PPP1R1C: variants seen among roughly 807,000 people sequenced by gnomAD.
PPP1R1C encodes protein phosphatase 1 regulatory subunit 1C.
PPP1R1C carries 15 observed loss-of-function variants against 17.4 expected under a neutral mutation model. The ratio of observed to expected loss-of-function variants is 0.86; its 90% CI spans 0.58 to 1.33. The LOEUF is 1.33. PPP1R1C is among the 40% of genes most tolerant of loss of function. PPP1R1C has a pLI of 0.00. For missense variants in PPP1R1C, 143 were observed against 130.0 expected, an observed-to-expected ratio of 1.10 and a Z score of -0.48; for synonymous variants, 35 against 43.1, an observed-to-expected ratio of 0.81 and a Z score of 0.73.
At chr2:182,107,424 C>T (rs972184810) in intron 4 of PPP1R1C, among the ~76,000 whole-genome samples, 7 of 152,096 alleles carry the variant, frequency 4.6e-5, no homozygotes, top group Admixed American at 6.5e-5. Flanking sequence ...TCATTCCTGC[C>T]TTATTTTCCT....
intron 2 of PPP1R1C, among the ~76,000 whole-genome samples, chr2:182,048,507 T>C (rs16822409): frequency 0.16 from 23,977 of 152,274 alleles, 2,402 homozygotes; most frequent in South Asian, 0.28. Flanking sequence ...AAATACATGA[T>C]AGATTTCTCT....
chr2:181,982,447 T>C (rs1167397235), upstream of PPP1R1C, among the ~76,000 whole-genome samples: 1 of 152,200 alleles, frequency 6.6e-6, no homozygotes. Flanking sequence ...GACGAGCATC[T>C]TGCTTGTTAT....
In PPP1R1C at chr2:182,096,981, G is replaced by A. The variant is rs191677677; in HGVS notation, c.242-20226G>A. Among the ~76,000 whole-genome samples the A allele has an allele frequency of 2.7e-3, 406 of 152,246 alleles. 3 individuals are homozygous for A. The highest frequency in any genetic ancestry group is 9.4e-3 in the African/African-American group (391 of 41,550). On this transcript the variant is annotated intron_variant, in intron 4 of 4. Coordinates refer to ENST00000682840, the MANE Select transcript of PPP1R1C (RefSeq NM_001080545.3). ...AATCAGGTGACAAAGACTGCACACA[G>A]AACAGACTGGAATCCTAAAACTGGG... is the stretch of plus-strand genomic sequence containing the variant.
chr2:182,088,220 T>A (rs145569736), intron 4 of PPP1R1C, among the ~76,000 whole-genome samples: 157 of 151,372 alleles, frequency 1.0e-3, no homozygotes, highest in Non-Finnish European at 1.9e-3. Context: ...GCCTTGAATG[T>A]TTCCCTCTGT....
At chr2:182,023,566 T>C (rs1188640333) in intron 2 of PPP1R1C, among the ~76,000 whole-genome samples, 1 of 152,134 alleles carries the variant, frequency 6.6e-6, no homozygotes, top group Non-Finnish European at 1.5e-5. Flanking sequence ...TGAAAGGACA[T>C]TGATGATCCA....
At chr2:182,107,564 T>C (rs1689290797) in intron 4 of PPP1R1C, among the ~76,000 whole-genome samples, 1 of 152,194 alleles carries the variant, frequency 6.6e-6, no homozygotes, top group South Asian at 2.1e-4. Flanking sequence ...GGCCTACTCC[T>C]CACCTTCTCT....
At chr2:181,970,122 T>C (rs181617485) in intron 1 of PPP1R1C, among the ~76,000 whole-genome samples, 96 of 151,942 alleles carry the variant, frequency 6.3e-4, no homozygotes, top group African/African-American at 2.1e-3. Flanking sequence ...CATGGTGTCT[T>C]GTGCCTTATT....
chr2:181,986,316 C>T (rs1685296965), intron 1 of PPP1R1C, 125 bp downstream of exon 1: 1 of 752,044 alleles, frequency 1.3e-6, no homozygotes, highest in South Asian at 1.7e-5. Context: ...ATAATGTAAA[C>T]AAGAAATAAG....
chr2:181,999,028 T>C (rs1428540315), intron 2 of PPP1R1C, among the ~76,000 whole-genome samples: 2 of 152,162 alleles, frequency 1.3e-5, no homozygotes, highest in African/African-American at 4.8e-5. Flanking sequence ...TAAAGGACAA[T>C]TTTTTACTTA....
chr2:182,051,526 A>C (rs950304365), intron 2 of PPP1R1C, among the ~76,000 whole-genome samples: 91 of 152,320 alleles, frequency 6.0e-4, no homozygotes, highest in African/African-American at 2.0e-3. Context: ...TTTAAAAAAA[A>C]CGGTCACGAA....
At chr2:182,043,507 C>A (rs1416081548) in intron 2 of PPP1R1C, among the ~76,000 whole-genome samples, 1 of 150,738 alleles carries the variant, frequency 6.6e-6, no homozygotes, top group Non-Finnish European at 1.5e-5. Context: ...TATTTTTTTC[C>A]ACATATATGC....
chr2:182,095,923 C>G (rs1688918101), intron 4 of PPP1R1C, among the ~76,000 whole-genome samples: 1 of 150,834 alleles, frequency 6.6e-6, no homozygotes, highest in Non-Finnish European at 1.5e-5. Flanking sequence ...TACAGTGAGC[C>G]AAGATCGCGC....
chr2:182,078,835 A>G (rs2125211279), intron 4 of PPP1R1C, among the ~76,000 whole-genome samples: 1 of 152,350 alleles, frequency 6.6e-6, no homozygotes, highest in East Asian at 1.9e-4. Flanking sequence ...TTTTAATTGT[A>G]GTAAACACTA....
At chr2:182,123,314 C>T (rs556834349) in intron 5 of PPP1R1C, among the ~76,000 whole-genome samples, 27 of 152,218 alleles carry the variant, frequency 1.8e-4, no homozygotes, top group Middle Eastern at 3.4e-3. Flanking sequence ...AATAAACATA[C>T]GTGTGCGTGT....
intron 2 of PPP1R1C, among the ~76,000 whole-genome samples, chr2:182,035,161 C>T (rs986639086): frequency 1.3e-5 from 2 of 152,156 alleles, no homozygotes; most frequent in African/African-American, 4.8e-5. Flanking sequence ...CTCTTCATCG[C>T]CACATCACCT....
chr2:182,002,527 TA>T (rs1293283783), intron 2 of PPP1R1C, among the ~76,000 whole-genome samples: 3 of 152,072 alleles, frequency 2.0e-5, no homozygotes, highest in Admixed American at 1.3e-4. Context: ...TTTTTATTAA[TA>T]AAAATTATTA....
At chr2:181,971,238 T>C (rs945043353) in intron 1 of PPP1R1C, among the ~76,000 whole-genome samples, 6 of 152,174 alleles carry the variant, frequency 3.9e-5, no homozygotes, top group African/African-American at 7.2e-5. Context: ...GAGTACTGCC[T>C]ATCACTGCTG....
In PPP1R1C at chr2:181,976,761, A is replaced by ACTCTTG. The variant is rs1685098109; in HGVS notation, n.157+1508_157+1513dup. Among the ~76,000 whole-genome samples, 1 of 151,572 alleles carries ACTCTTG rather than the reference A, an allele frequency of 6.6e-6. No homozygotes were observed. The highest frequency in any genetic ancestry group is 2.4e-5 in the African/African-American group (1 of 41,214). On this transcript the variant is annotated intron_variant and non_coding_transcript_variant, in intron 2 of 5. Transcript: ENST00000464264. The surrounding 1 kb of genome is among the most constrained non-coding windows in gnomAD (Gnocchi z 4.8). ...AAATAAATCTAAAAAGCTCCACTCC[A>ACTCTTG]CTCTTGCTCTTGCTCTCTACTGTAA...
intron 4 of PPP1R1C, among the ~76,000 whole-genome samples, chr2:182,098,305 C>T (rs970217742): frequency 2.0e-5 from 3 of 152,086 alleles, no homozygotes; most frequent in African/African-American, 7.2e-5. Context: ...AGCAGAAACT[C>T]ATTTTAATTT....
Sources: gnomAD v4.1 joint callset for allele counts (sites outside exome capture counted in the v4.1 genomes callset) on GRCh38, gnomAD v4.1.1 for gene constraint, Gnocchi (gnomAD v3.1) non-coding constraint, MANE v1.5 for transcripts, NCBI Gene and HGNC (gene_info 2026-07-23, HGNC 2026-07-21) for gene names.